Variants in SNRNP40 observed in about 807,000 individuals in gnomAD.
SNRNP40 encodes the protein small nuclear ribonucleoprotein U5 subunit 40, also known as U5 small nuclear ribonucleoprotein 40 kDa protein.
SNRNP40 carries 21 observed loss-of-function variants against 45.8 expected under a neutral mutation model. The observed-to-expected ratio is 0.46, with a 90% CI of 0.32 to 0.66. The LOEUF is 0.66. Ranked by LOEUF, SNRNP40 falls within the 30% of genes least tolerant of loss-of-function variation. SNRNP40 has a pLI of 0.03. For synonymous variants in SNRNP40, 142 were observed against 163.8 expected, an observed-to-expected ratio of 0.87 and a Z score of 1.01; for missense variants, 344 against 439.1, an observed-to-expected ratio of 0.78 and a Z score of 1.94.
rs376199767 is a variant in SNRNP40, at chr1:31,261,646, T to C, written c.921-14A>G. The C allele has an allele frequency of 8.8e-6, 14 of 1,585,152 alleles. No homozygotes were observed. In the African/African-American group the frequency reaches 1.2e-4, roughly 14 times the overall value. ...ACATAAACAAACCTGTAAGGTATCA[T>C]GAAAAGCAAGGGTAAGTCCTCTTAG... On this transcript the variant is annotated splice_polypyrimidine_tract_variant and intron_variant, in intron 8 of 9. Coordinates refer to ENST00000263694, the MANE Select transcript of SNRNP40 (RefSeq NM_004814.3).
intron 3 of SNRNP40, among the ~76,000 whole-genome samples, chr1:31,289,770 G>A (rs545721059): frequency 3.3e-5 from 5 of 152,136 alleles, no homozygotes; most frequent in Non-Finnish European, 7.3e-5. Flanking sequence ...TAACTCCCTG[G>A]TGCTGCAGAG....
chr1:31,260,756 G>A (rs943215967), intron 9 of SNRNP40, among the ~76,000 whole-genome samples: 1 of 151,190 alleles, frequency 6.6e-6, no homozygotes, highest in African/African-American at 2.4e-5. Flanking sequence ...CAGCTACTTG[G>A]GAGGCTGAGG....
chr1:31,264,115 TC>T (rs1645880207), intron 8 of SNRNP40, among the ~76,000 whole-genome samples: 1 of 152,128 alleles, frequency 6.6e-6, no homozygotes. Context: ...CAGTACTTGA[TC>T]ATAAAAATGG....
chr1:31,271,136 G>A (rs1430209497), intron 6 of SNRNP40: 1 of 385,032 alleles, frequency 2.6e-6, no homozygotes, highest in Admixed American at 4.4e-5. Context: ...CCAGAGCTGA[G>A]ATGGGTCTTA....
chr1:31,271,366 T>C lies in SNRNP40; in HGVS notation c.775+13A>G, dbSNP rs200347339. ...TCCTTGGATCCTGGGAGAGATTTCC[T>C]TTCCAAAGTTACCTGTATTGTCCAT... On this transcript the variant is annotated intron_variant, in intron 6 of 9. Transcript: ENST00000263694. The C allele has an allele frequency of 9.4e-6, 15 of 1,599,624 alleles. No individual in the cohort carries two copies. The South Asian group carries it at 1.6e-4, about 17-fold the overall frequency.
intron 5 of SNRNP40, among the ~76,000 whole-genome samples, chr1:31,276,203 A>C (rs1010399911): frequency 6.6e-6 from 1 of 152,244 alleles, no homozygotes; most frequent in Non-Finnish European, 1.5e-5. Context: ...CCATTTAGAC[A>C]CAAGAAATGG....
intron 8 of SNRNP40, 100 bp from the exon 9 acceptor site, chr1:31,261,732 T>C (rs2148378635): frequency 1.4e-6 from 1 of 691,742 alleles, no homozygotes; most frequent in East Asian, 2.7e-5. Context: ...ATTATTTACT[T>C]ACCTTACATT....
At chr1:31,263,674 G>C (rs1184407577) in intron 8 of SNRNP40, 1 of 441,324 alleles carries the variant, frequency 2.3e-6, no homozygotes, top group African/African-American at 2.1e-5. Context: ...CTGTATAACT[G>C]ATATGATATG....
intron 3 of SNRNP40, 40 bp from the exon 4 acceptor site, chr1:31,289,459 G>A (rs770207556): frequency 4.3e-5 from 67 of 1,559,066 alleles, no homozygotes; most frequent in South Asian, 7.8e-5. Flanking sequence ...AATAAGTGAA[G>A]ATAAACAGTA....
chr1:31,269,080 C>A, intron 7 of SNRNP40, 78 bp downstream of exon 7: 1 of 1,304,326 alleles, frequency 7.7e-7, no homozygotes, highest in Non-Finnish European at 1.0e-6. Flanking sequence ...AGAGCTACTG[C>A]TCTCTATCCT....
chr1:31,287,358 G>A (rs1413692489), intron 4 of SNRNP40, among the ~76,000 whole-genome samples: 1 of 152,080 alleles, frequency 6.6e-6, no homozygotes. Context: ...GAGTAATAAG[G>A]TAAAAATAAC....
At chr1:31,287,872 C>T (rs895474344) in intron 4 of SNRNP40, among the ~76,000 whole-genome samples, 1 of 152,208 alleles carries the variant, frequency 6.6e-6, no homozygotes, top group Non-Finnish European at 1.5e-5. Context: ...GTATGGGTCC[C>T]TGTAGTCCCA....
At chr1:31,265,129 TG>T (rs998227960) in intron 8 of SNRNP40, among the ~76,000 whole-genome samples, 1 of 101,910 alleles carries the variant, frequency 9.8e-6, no homozygotes, top group African/African-American at 3.2e-5. Context: ...CATGTGATTT[TG>T]TTTTTTTTTA....
chr1:31,277,997 C>T (rs1272421919), intron 5 of SNRNP40, among the ~76,000 whole-genome samples: 4 of 152,146 alleles, frequency 2.6e-5, no homozygotes, highest in Non-Finnish European at 4.4e-5. Flanking sequence ...GCCCAGCAAA[C>T]ACTTTTTAGT....
chr1:31,292,040 G>T, intron 2 of SNRNP40, 34 bp from the exon 3 acceptor site: 1 of 1,343,568 alleles, frequency 7.4e-7, no homozygotes, highest in Non-Finnish European at 1.1e-6. Flanking sequence ...AGCATTACTA[G>T]GCAAAGGGTA....
chr1:31,269,074 C>T, intron 7 of SNRNP40, 84 bp downstream of exon 7: 1 of 1,233,038 alleles, frequency 8.1e-7, no homozygotes, highest in Non-Finnish European at 1.1e-6. Context: ...CTTAGCAGAG[C>T]TACTGCTCTC....
chr1:31,261,112 G>T (rs563815416), intron 9 of SNRNP40: 3 of 892,804 alleles, frequency 3.4e-6, no homozygotes, highest in Non-Finnish European at 1.6e-6. Flanking sequence ...AGGCTGAGGC[G>T]GGTGGATTAC....
At chr1:31,294,172 G>A (rs1199488332) in intron 1 of SNRNP40, among the ~76,000 whole-genome samples, 2 of 151,956 alleles carry the variant, frequency 1.3e-5, no homozygotes, top group Non-Finnish European at 2.9e-5. Context: ...TGGCCAGGCT[G>A]GTCTCAAACT....
intron 5 of SNRNP40, among the ~76,000 whole-genome samples, chr1:31,277,366 G>A (rs192322243): frequency 4.1e-4 from 62 of 152,212 alleles, no homozygotes; most frequent in Non-Finnish European, 8.1e-4. Context: ...TACATTTTCT[G>A]CACTTTAATA....
Sources: gnomAD v4.1 joint callset for allele counts (sites outside exome capture counted in the v4.1 genomes callset) on GRCh38, gnomAD v4.1.1 for gene constraint, MANE v1.5 for transcripts, NCBI Gene and HGNC (gene_info 2026-07-23, HGNC 2026-07-21) for gene names.